GON4L: variants seen among roughly 807,000 people sequenced by gnomAD.
The protein encoded by GON4L is GON-4-like protein.
A neutral mutation model predicts 211.8 loss-of-function variants in GON4L; 87 were observed. The observed-to-expected ratio is 0.41, with a 90% CI of 0.35 to 0.49. GON4L has a LOEUF of 0.49. Ranked by LOEUF, GON4L falls within the 20% of genes least tolerant of loss-of-function variation. GON4L has a pLI of 0.15. For missense variants in GON4L, 2,155 were observed against 2,659.5 expected (o/e 0.81, Z 4.17); for synonymous variants, 875 against 962.6 (o/e 0.91, Z 1.68).
intron 10 of GON4L, among the ~76,000 whole-genome samples, chr1:155,805,365 T>C (rs1667034127): frequency 1.3e-5 from 2 of 152,220 alleles, no homozygotes; most frequent in South Asian, 4.1e-4. Flanking sequence ...GCTTTATTGA[T>C]ATACAATTCA....
rs764052762 is a variant in GON4L, at chr1:155,765,561, C to T, written c.3912G>A (p.Pro1304=). The T allele has an allele frequency of 1.2e-5, 19 of 1,614,016 alleles. No individual in the cohort carries two copies. The highest frequency in any genetic ancestry group is 7.7e-5 in the South Asian group (7 of 91,084). The change falls in exon 21 of 32, where the codon CCG becomes CCA. Residue 1304 remains proline, a synonymous_variant. Coordinates refer to ENST00000368331, the MANE Select transcript of GON4L (RefSeq NM_001282860.2). ...GAGACTCCTGGATGCCCTGAGGGAG[C>T]GGCTCCAGAGCTTGCCTCCCCTCCT... is the stretch of plus-strand genomic sequence containing the variant. ...KTEEGRQALE[P]LPQGIQESLN...
downstream of GON4L, chr1:155,748,894 A>T (rs1660356633): frequency 1.9e-6 from 2 of 1,042,116 alleles, no homozygotes; most frequent in Non-Finnish European, 2.8e-6. Context: ...CCCACCCCTT[A>T]AAAAGGATAA....
At chr1:155,829,942 G>A (rs1669589550) in intron 2 of GON4L, among the ~76,000 whole-genome samples, 1 of 151,810 alleles carries the variant, frequency 6.6e-6, no homozygotes, top group African/African-American at 2.4e-5. Flanking sequence ...GTGCTTGCAG[G>A]GACAGTTTTT....
At chr1:155,802,345 T>C (rs1332557328) in intron 11 of GON4L, among the ~76,000 whole-genome samples, 1 of 152,150 alleles carries the variant, frequency 6.6e-6, no homozygotes, top group East Asian at 1.9e-4. Context: ...GTTTTATTTC[T>C]GTAATATTTG....
At chr1:155,752,660 G>A (rs1660725756) in intron 29 of GON4L, 70 bp from the exon 30 acceptor site, 5 of 1,547,962 alleles carry the variant, frequency 3.2e-6, no homozygotes, top group Non-Finnish European at 4.4e-6. Flanking sequence ...GAAATTACCT[G>A]TGGCCAGGTA....
At chr1:155,774,201 T>A (rs1039097825) in intron 17 of GON4L, among the ~76,000 whole-genome samples, 1 of 152,138 alleles carries the variant, frequency 6.6e-6, no homozygotes, top group Admixed American at 6.6e-5. Context: ...ATACTGAACA[T>A]GGCAAATGTA....
intron 2 of GON4L, among the ~76,000 whole-genome samples, chr1:155,842,199 T>C (rs1318996629): frequency 6.6e-6 from 1 of 152,008 alleles, no homozygotes. Flanking sequence ...AAGGAAAAGA[T>C]TGTTCCCTGT....
Position 155,818,172 on chromosome 1 carries a change from A to AG in GON4L, c.1015-1911dup, listed in dbSNP as rs1286821605. Among the ~76,000 whole-genome samples, 7 of 151,406 alleles carry AG rather than the reference A, an allele frequency of 4.6e-5. No individual in the cohort carries two copies. The South Asian group carries it at 1.5e-3, about 32-fold the overall frequency. ...AGTCTTGCTCTATCACCCAGGCTGG[A>AG]GTGCAGTGGCATGGTCTCCGCTCAC... On this transcript the variant is annotated intron_variant, in intron 6 of 31. Transcript: ENST00000368331.
At chr1:155,754,272 TTTATA>T in intron 28 of GON4L, 98 bp downstream of exon 28, 1 of 785,662 alleles carries the variant, frequency 1.3e-6, no homozygotes, top group South Asian at 1.3e-5. Flanking sequence ...CTGAATGTTA[TTTATA>T]TATGTGCCTT....
chr1:155,854,374 C>G lies in GON4L; in HGVS notation c.-26-568G>C, dbSNP rs907240013. On this transcript the variant is annotated intron_variant, in intron 1 of 31. Transcript: ENST00000368331. ...GTTTCACCGTGTTAGCCAGGATGGT[C>G]TCGAACTCCTGACCTTGAGATCCAC... Among the ~76,000 whole-genome samples, 3 of 152,118 alleles carry G rather than the reference C, an allele frequency of 2.0e-5. No homozygotes were observed. The East Asian group carries it at 5.8e-4, about 29-fold the overall frequency.
At position 155,763,865 on chromosome 1, in the gene GON4L, T is replaced by C. The variant is rs999029394; in HGVS notation, c.4474-301A>G. ...TAAAAATACAGAAATTAGTCAGGCA[T>C]GGTGGTACATGCCTGTAATCCCAGC... On this transcript the variant is annotated intron_variant, in intron 21 of 31. Coordinates refer to ENST00000368331, the MANE Select transcript of GON4L (RefSeq NM_001282860.2). 2.6e-5 allele frequency among the ~76,000 whole-genome samples: 4 copies of C among 151,866 alleles called. 1 individual carries two copies. Among genetic ancestry groups the C allele is most frequent in the Admixed American group, 2.6e-4 (4 of 15,248 alleles).
Position 155,843,235 on chromosome 1 carries a change from G to A in GON4L, c.505+10041C>T, listed in dbSNP as rs1670942214. ...AATCAATCTAACTCGCTGTGGAATG[G>A]GAACAAAACTCCATAGTAAACATTT... On this transcript the variant is annotated intron_variant, in intron 2 of 31. Transcript: ENST00000368331. Among the ~76,000 whole-genome samples, 3 of 152,090 alleles carry A rather than the reference G, an allele frequency of 2.0e-5. No individual in the cohort carries two copies. The South Asian group carries it at 6.2e-4, about 32-fold the overall frequency.
Position 155,750,523 on chromosome 1 carries a change from C to A in GON4L, c.*61G>T. Reference sequence around the variant, plus strand: ...GGACTGTACAAGCAGAGTACAACTACCCCCTCCCCGGTGCCAGGGCGCCTG... The same window carrying A: ...GGACTGTACAAGCAGAGTACAACTAACCCCTCCCCGGTGCCAGGGCGCCTG... On this transcript the variant is annotated 3_prime_UTR_variant, in exon 32 of 32. Coordinates refer to ENST00000368331, the MANE Select transcript of GON4L (RefSeq NM_001282860.2). 1 of 1,508,544 alleles carries A rather than the reference C, an allele frequency of 6.6e-7. No individual in the cohort carries two copies. Among genetic ancestry groups the A allele is most frequent in the African/African-American group, 1.4e-5 (1 of 72,948 alleles). The allele number at this position is 1,508,544 out of a possible 1,614,324, so 93.4% of individuals were successfully genotyped here.
intron 27 of GON4L, among the ~76,000 whole-genome samples, chr1:155,755,339 C>T (rs780323868): frequency 3.9e-5 from 6 of 152,026 alleles, no homozygotes; most frequent in South Asian, 2.1e-4. Context: ...AAAGTGCTGG[C>T]ATTAGAGGTG....
At chr1:155,762,114 T>C in intron 23 of GON4L, 76 bp downstream of exon 23, 1 of 1,193,558 alleles carries the variant, frequency 8.4e-7, no homozygotes, top group Non-Finnish European at 1.2e-6. Flanking sequence ...ACAGACTTTA[T>C]GTTGAAAAAC....
intron 10 of GON4L, among the ~76,000 whole-genome samples, chr1:155,810,701 C>G (rs1343064205): frequency 1.7e-5 from 2 of 118,794 alleles, no homozygotes; most frequent in Non-Finnish European, 3.4e-5. Flanking sequence ...AGTGAGACTC[C>G]GTCTCAAAAA....
At chr1:155,827,211 G>A (rs1266083584) in intron 2 of GON4L, among the ~76,000 whole-genome samples, 183 bp from the exon 3 acceptor site, 1 of 152,160 alleles carries the variant, frequency 6.6e-6, no homozygotes, top group Non-Finnish European at 1.5e-5. Context: ...TAAACTCAGG[G>A]AGTTAAACTA....
In GON4L at chr1:155,853,299, C is replaced by G; in HGVS notation, c.482G>C (p.Ser161Thr). The G allele has an allele frequency of 6.2e-7, 1 of 1,614,012 alleles. No homozygotes were observed. ...ACCTCCTTCTTCCTTGACTTCTTCA[C>G]TAGGCTCTCCTGAAAAAGGCTCCTT... is the stretch of plus-strand genomic sequence containing the variant. ...TLKEPFSGEP[S>T]EEVKEEGGKP... The change falls in exon 2 of 32, where the codon AGT becomes ACT. Residue 161 changes from serine to threonine, a missense_variant. By Grantham distance (58) the Ser-to-Thr change is moderately conservative. Around this residue, in one of 6 missense-constraint regions of GON4L, gnomAD observed 313 missense variants for 293.2 expected, o/e 1.07. Coordinates refer to ENST00000368331, the MANE Select transcript of GON4L (RefSeq NM_001282860.2).
At chr1:155,767,185 A>G in intron 20 of GON4L, 1 of 981,848 alleles carries the variant, frequency 1.0e-6, no homozygotes, top group Admixed American at 2.9e-5. Context: ...TTCTAATTAT[A>G]CACTTTAGAA....
Sources: gnomAD v4.1 joint callset for allele counts (sites outside exome capture counted in the v4.1 genomes callset) on GRCh38, gnomAD v4.1.1 for gene constraint, gnomAD v4.1.1 regional missense constraint, MANE v1.5 for transcripts, NCBI Gene and HGNC (gene_info 2026-07-23, HGNC 2026-07-21) for gene names.